OVCH1: variants seen among roughly 807,000 people sequenced by gnomAD.
OVCH1 encodes ovochymase-1.
OVCH1 carries 139 observed loss-of-function variants against 138.4 expected under a neutral mutation model. That is an observed-to-expected ratio of 1.00 (90% CI 0.87 to 1.16). OVCH1 has a LOEUF of 1.16. OVCH1 is among the 50% of genes most tolerant of loss of function. The pLI is 0.00. For missense variants in OVCH1, 1,367 were observed against 1,357.9 expected (o/e 1.01, Z -0.11); for synonymous variants, 453 against 467.8 (o/e 0.97, Z 0.41).
At chr12:29,413,251 T>G (rs1180634631) in intron 3 of OVCH1, among the ~76,000 whole-genome samples, 1 of 152,192 alleles carries the variant, frequency 6.6e-6, no homozygotes, top group African/African-American at 2.4e-5. Context: ...TGTTACCAGT[T>G]TGCTCCAGGT....
At chr12:29,476,261 G>T in exon 13 of OVCH1, 3 of 1,613,664 alleles carry the variant, frequency 1.9e-6, no homozygotes, top group Non-Finnish European at 2.5e-6. Context: ...CATAAATACA[G>T]TTTGGACTAA....
In OVCH1 at chr12:29,444,064, T is replaced by G. The variant is rs565424960; in HGVS notation, c.3017+81A>C. Reference sequence around the variant, plus strand: ...GGAAAAAAGGTGAAGAATAATGTTTTAAGCAAGTACCAAGTGTTGATGTCA... The same window carrying G: ...GGAAAAAAGGTGAAGAATAATGTTTGAAGCAAGTACCAAGTGTTGATGTCA... On this transcript the variant is annotated intron_variant, in intron 24 of 27. Transcript: ENST00000318184. 236 of 1,432,356 alleles carry G rather than the reference T, an allele frequency of 1.6e-4. No individual in the cohort carries two copies. The African/African-American group carries it at 3.1e-3, about 19-fold the overall frequency. The allele number at this position is 1,432,356 out of a possible 1,614,324, so 88.7% of individuals were successfully genotyped here.
the OVCH1 span, among the ~76,000 whole-genome samples, chr12:29,406,294 T>A: frequency 6.6e-6 from 1 of 152,112 alleles, no homozygotes; most frequent in Non-Finnish European, 1.5e-5. Flanking sequence ...GGAAGTCACC[T>A]TTATTTTATT....
chr12:29,493,743 T>C (rs901768464), intron 4 of OVCH1, among the ~76,000 whole-genome samples: 1 of 152,190 alleles, frequency 6.6e-6, no homozygotes. Context: ...TTTCAGTAAC[T>C]TTCACTGCTT....
chr12:29,486,122 G>T, intron 8 of OVCH1, 128 bp downstream of exon 8: 1 of 896,226 alleles, frequency 1.1e-6, no homozygotes, highest in Non-Finnish European at 1.7e-6. Flanking sequence ...TATGAGCAGG[G>T]CTTTTAAAGT....
At chr12:29,457,122 C>T (rs1437020208) in intron 19 of OVCH1, among the ~76,000 whole-genome samples, 1 of 152,084 alleles carries the variant, frequency 6.6e-6, no homozygotes, top group Non-Finnish European at 1.5e-5. Flanking sequence ...GAACAATTAA[C>T]CTTTCCTCTG....
chr12:29,454,956 A>G, intron 20 of OVCH1, 23 bp from the exon 21 acceptor site: 1 of 1,563,136 alleles, frequency 6.4e-7, no homozygotes, highest in South Asian at 1.1e-5. Flanking sequence ...AGAACATGTT[A>G]AAAATAAAGA....
rs372923042 is a variant in OVCH1 at position 29,454,881 on chromosome 12, C to T, written c.2490G>A (p.Leu830=). The T allele has an allele frequency of 1.6e-5, 26 of 1,612,946 alleles. No individual in the cohort carries two copies. The African/African-American group carries it at 3.3e-4, about 21-fold the overall frequency. The change falls in exon 21 of 28, where the codon TTG becomes TTA. Residue 830 remains leucine (L), a synonymous_variant. Coordinates refer to ENST00000318184, the Ensembl canonical transcript of OVCH1. Reference sequence around the variant, plus strand: ...TGTCTGGTGAAGGTGTGGGTGGTGGCAATTGTTGTTTTAAGGTTTTGCATT... The same window carrying T: ...TGTCTGGTGAAGGTGTGGGTGGTGGTAATTGTTGTTTTAAGGTTTTGCATT...
At chr12:29,411,468 C>G (rs1029737719), downstream of OVCH1, among the ~76,000 whole-genome samples, 4 of 151,900 alleles carry the variant, frequency 2.6e-5, no homozygotes, top group African/African-American at 9.7e-5. Context: ...TGGGGATGTA[C>G]AGATGGGTTT....
At chr12:29,455,437 C>T in intron 19 of OVCH1, 32 bp from the exon 20 acceptor site, 1 of 1,564,278 alleles carries the variant, frequency 6.4e-7, no homozygotes, top group Non-Finnish European at 8.6e-7. Context: ...TTTTAGAAAA[C>T]TGCTTTAATC....
chr12:29,441,139 G>A (rs1007718514), intron 25 of OVCH1, among the ~76,000 whole-genome samples: 4 of 152,042 alleles, frequency 2.6e-5, no homozygotes, highest in Non-Finnish European at 1.5e-5. Context: ...AAATCCTTGT[G>A]GGTTGACAAC....
chr12:29,456,704 C>A (rs531701376), intron 19 of OVCH1, among the ~76,000 whole-genome samples: 19 of 152,280 alleles, frequency 1.2e-4, no homozygotes, highest in Non-Finnish European at 2.2e-4. Context: ...TCTGTATTTA[C>A]AACATGTGCC....
chr12:29,454,905 T>C, exon 21 of OVCH1: 2 of 1,612,440 alleles, frequency 1.2e-6, no homozygotes, highest in Non-Finnish European at 8.5e-7. Flanking sequence ...AGGTTTTGCA[T>C]TTATTATTTG....
chr12:29,496,199 C>G (rs1320859684), exon 3 of OVCH1: 3 of 1,607,826 alleles, frequency 1.9e-6, no homozygotes, highest in Non-Finnish European at 2.5e-6. Flanking sequence ...GCTGTCCAGG[C>G]AGTGTGCTGC....
At chr12:29,456,835 C>T (rs766012069) in intron 19 of OVCH1, among the ~76,000 whole-genome samples, 1 of 152,178 alleles carries the variant, frequency 6.6e-6, no homozygotes, top group African/African-American at 2.4e-5. Flanking sequence ...TTTTATAAAC[C>T]AGTTGTATCA....
chr12:29,411,753 G>C (rs539970315), downstream of OVCH1, among the ~76,000 whole-genome samples: 3 of 138,364 alleles, frequency 2.2e-5, no homozygotes, highest in African/African-American at 7.6e-5. Flanking sequence ...AGGGGTCAGA[G>C]GTCAGGGACC....
intron 16 of OVCH1, among the ~76,000 whole-genome samples, chr12:29,468,353 C>A (rs1339172354): frequency 2.0e-5 from 3 of 152,196 alleles, no homozygotes; most frequent in South Asian, 2.1e-4. Context: ...AATACAAATT[C>A]TTTTTGTGAC....
In OVCH1 at chr12:29,433,947, G is replaced by A. The variant is rs1366239315; in HGVS notation, c.3265-134C>T. The A allele has an allele frequency of 8.8e-6, 6 of 685,364 alleles. No homozygotes were observed. The East Asian group carries it at 2.2e-4, about 25-fold the overall frequency. 42.5% of individuals were successfully genotyped at this position (685,364 alleles called of 1,614,324 possible). On this transcript the variant is annotated intron_variant, in intron 26 of 27. Coordinates refer to ENST00000318184, the Ensembl canonical transcript of OVCH1. ...CTGCTGGCTGATTAAAAAAAAATGA[G>A]TGTGAATGGATTAATCTTAAGTACT...
At chr12:29,419,875 C>T (rs1176917071) in intron 3 of OVCH1, among the ~76,000 whole-genome samples, 2 of 152,080 alleles carry the variant, frequency 1.3e-5, no homozygotes, top group African/African-American at 4.8e-5. Context: ...GTTTTGAACA[C>T]ATGAAAGTCT....
Sources: gnomAD v4.1 joint callset for allele counts (sites outside exome capture counted in the v4.1 genomes callset) on GRCh38, gnomAD v4.1.1 for gene constraint, MANE v1.5 for transcripts, NCBI Gene and HGNC (gene_info 2026-07-23, HGNC 2026-07-21) for gene names.